PCCA: variants seen among roughly 807,000 people sequenced by gnomAD.
PCCA encodes the protein propionyl-CoA carboxylase subunit alpha, also known as propionyl-CoA carboxylase alpha chain, mitochondrial.
PCCA carries 74 observed loss-of-function variants against 101.3 expected under a neutral mutation model. The observed-to-expected ratio is 0.73, with a 90% CI of 0.61 to 0.89. PCCA has a LOEUF of 0.89. Among genes scored for constraint, PCCA ranks in the 40% least tolerant of loss-of-function variants. The pLI is 0.00. For synonymous variants in PCCA, 294 were observed against 313.6 expected (o/e 0.94, Z 0.66); for missense variants, 891 against 907.0 (o/e 0.98, Z 0.23).
intron 18 of PCCA, among the ~76,000 whole-genome samples, chr13:100,343,177 A>C (rs891687179): frequency 2.0e-4 from 31 of 152,264 alleles, no homozygotes; most frequent in Non-Finnish European, 7.4e-5. Flanking sequence ...GCCTGGGTGA[A>C]AGAGTGTGAC....
intron 12 of PCCA, among the ~76,000 whole-genome samples, chr13:100,282,155 A>T (rs1475327701): frequency 6.6e-6 from 1 of 152,060 alleles, no homozygotes; most frequent in Non-Finnish European, 1.5e-5. Flanking sequence ...GTATTTGCTT[A>T]TTGTTGGGGG....
At chr13:100,419,879 TTTGGTGCAC>T (rs1201127956) in intron 19 of PCCA, among the ~76,000 whole-genome samples, 1 of 152,210 alleles carries the variant, frequency 6.6e-6, no homozygotes, top group Non-Finnish European at 1.5e-5. Context: ...TTAATGTAAG[TTTGGTGCAC>T]TTGAGTCCTT....
At chr13:100,337,035 C>A (rs999863372) in intron 17 of PCCA, among the ~76,000 whole-genome samples, 4 of 152,122 alleles carry the variant, frequency 2.6e-5, no homozygotes, top group African/African-American at 9.7e-5. Context: ...AGAGGGTAAA[C>A]CAAGTGTCAG....
intron 10 of PCCA, among the ~76,000 whole-genome samples, chr13:100,267,949 C>A (rs1366954202): frequency 6.6e-6 from 1 of 152,160 alleles, no homozygotes; most frequent in Non-Finnish European, 1.5e-5. Flanking sequence ...TATCTCTTAA[C>A]TGAAATGCTT....
At chr13:100,204,217 C>T (rs532823985) in intron 6 of PCCA, among the ~76,000 whole-genome samples, 2 of 152,044 alleles carry the variant, frequency 1.3e-5, no homozygotes, top group East Asian at 1.9e-4. Context: ...GCAGCCTCTA[C>T]CCGCTGGGCT....
chr13:100,304,291 G>C (rs1053133274), intron 14 of PCCA, among the ~76,000 whole-genome samples: 43 of 152,222 alleles, frequency 2.8e-4, no homozygotes, highest in African/African-American at 1.0e-3. Context: ...TTATTTGCTT[G>C]TGTGAATGTT....
At chr13:100,309,958 C>T in intron 16 of PCCA, 50 bp downstream of exon 16, 1 of 1,279,922 alleles carries the variant, frequency 7.8e-7, no homozygotes, top group Non-Finnish European at 1.1e-6. Flanking sequence ...GTGTCCAGTT[C>T]CAGAGAACAG....
intron 7 of PCCA, among the ~76,000 whole-genome samples, chr13:100,220,666 A>G (rs936661304): frequency 4.6e-5 from 7 of 152,192 alleles, no homozygotes; most frequent in East Asian, 3.9e-4. Context: ...AGGTCTTCCT[A>G]TTTCCCTCTC....
At chr13:100,348,322 A>G (rs2072591940) in intron 18 of PCCA, among the ~76,000 whole-genome samples, 1 of 152,234 alleles carries the variant, frequency 6.6e-6, no homozygotes, top group Non-Finnish European at 1.5e-5. Context: ...TTGGATAGTA[A>G]AACAATAGTG....
At position 100,522,344 on chromosome 13, in the gene PCCA, A is replaced by G. The variant is rs140243801; in HGVS notation, c.2041-5331A>G. Among the ~76,000 whole-genome samples, 463 of 152,330 alleles carry G rather than the reference A, an allele frequency of 3.0e-3. 1 individual carries two copies. Among genetic ancestry groups the G allele is most frequent in the Non-Finnish European group, 5.5e-3 (375 of 68,026 alleles). On this transcript the variant is annotated intron_variant, in intron 22 of 23. Coordinates refer to ENST00000376285, the MANE Select transcript of PCCA (RefSeq NM_000282.4). ...AAAACCTGTGTTTCTCTGGTAATGTACTAGCAGCAGGTAAGCTCAAAATAC... is the reference window on the plus strand; with the variant it reads ...AAAACCTGTGTTTCTCTGGTAATGTGCTAGCAGCAGGTAAGCTCAAAATAC...
Position 100,302,959 on chromosome 13 carries a change from G to A in PCCA, c.1245G>A (p.Gly415=), listed in dbSNP as rs767822110. The change falls in exon 14 of 24, where the codon GGG becomes GGA. Residue 415 remains glycine (G), a synonymous_variant. Coordinates refer to ENST00000376285, the MANE Select transcript of PCCA (RefSeq NM_000282.4). ...PYKSFGLPSI[G]RLSQYQEPLH... ...AGTCTTTTGGTTTACCATCTATTGG[G>A]AGATTGTCTCAGTACCAAGAACCGT... is the stretch of plus-strand genomic sequence containing the variant. 1.9e-6 allele frequency: 3 copies of A among 1,607,130 alleles called. No homozygotes were observed. Among genetic ancestry groups the A allele is most frequent in the African/African-American group, 2.7e-5 (2 of 74,718 alleles).
At chr13:100,470,795 G>T (rs2082949903) in intron 21 of PCCA, among the ~76,000 whole-genome samples, 1 of 152,162 alleles carries the variant, frequency 6.6e-6, no homozygotes. Context: ...GGAGGCGGAG[G>T]TTGCAGTGAG....
intron 16 of PCCA, among the ~76,000 whole-genome samples, chr13:100,321,171 C>G (rs1275241567): frequency 6.6e-6 from 1 of 152,158 alleles, no homozygotes; most frequent in Non-Finnish European, 1.5e-5. Context: ...GCTGTCATTT[C>G]CTATGCAGGT....
At chr13:100,495,967 TTCTC>T (rs58145817) in intron 21 of PCCA, among the ~76,000 whole-genome samples, 51,812 of 150,382 alleles carry the variant, frequency 0.34, 9,598 homozygotes, top group East Asian at 0.67. Context: ...ATTCCTCTCT[TTCTC>T]TCTCTCTCTC....
At chr13:100,280,213 A>G (rs1408532444) in intron 12 of PCCA, among the ~76,000 whole-genome samples, 1 of 151,576 alleles carries the variant, frequency 6.6e-6, no homozygotes, top group African/African-American at 2.4e-5. Context: ...TACCTTTGCT[A>G]TCTTCACATA....
At chr13:100,330,462 G>C in intron 16 of PCCA, 99 bp from the exon 17 acceptor site, 1 of 746,278 alleles carries the variant, frequency 1.3e-6, no homozygotes. Flanking sequence ...AATGGTTTCT[G>C]CTAGGTCATA....
chr13:100,297,019 A>G (rs1206024280), intron 12 of PCCA, among the ~76,000 whole-genome samples: 1 of 152,214 alleles, frequency 6.6e-6, no homozygotes, highest in Non-Finnish European at 1.5e-5. Context: ...AAGAGCATAA[A>G]CCATTTATTT....
chr13:100,274,563 G>GAGA (rs1356641566), intron 12 of PCCA, among the ~76,000 whole-genome samples: 2 of 152,102 alleles, frequency 1.3e-5, no homozygotes, highest in African/African-American at 4.8e-5. Context: ...GGGTTGGAGG[G>GAGA]AGAATCCACT....
intron 21 of PCCA, chr13:100,489,839 A>T (rs1431730149): frequency 6.6e-6 from 1 of 152,222 alleles, no homozygotes; most frequent in Admixed American, 6.5e-5. Flanking sequence ...GGGGTTCATG[A>T]AGAAGAGTGG....
Sources: gnomAD v4.1 joint callset for allele counts (sites outside exome capture counted in the v4.1 genomes callset) on GRCh38, gnomAD v4.1.1 for gene constraint, MANE v1.5 for transcripts, NCBI Gene and HGNC (gene_info 2026-07-23, HGNC 2026-07-21) for gene names.